KIF1A: variants seen among roughly 807,000 people sequenced by gnomAD.
KIF1A encodes kinesin-like protein KIF1A.
In KIF1A, 46 loss-of-function variants were observed where a neutral mutation model predicts 227.3. The ratio of observed to expected loss-of-function variants is 0.20; its 90% CI spans 0.16 to 0.26. KIF1A has a LOEUF of 0.26. Ranked by LOEUF, KIF1A falls within the 10% of genes least tolerant of loss-of-function variation. The probability of loss-of-function intolerance (pLI) is 1.00; values close to 1 mark genes in which losing one functional copy is unlikely to be tolerated. For missense variants in KIF1A, 1,683 were observed against 2,485.9 expected (o/e 0.68, Z 6.87); for synonymous variants, 1,022 against 1,012.8 (o/e 1.01, Z -0.17).
At position 240,782,616 on chromosome 2, in the gene KIF1A, GA is replaced by G; in HGVS notation, c.865-10del. 6.4e-7 allele frequency: 1 copy of G among 1,552,036 alleles called. No homozygotes were observed. The highest frequency in any genetic ancestry group is 8.7e-7 in the Non-Finnish European group (1 of 1,147,604). ...TTGTTGGGTCCGGAGTCCTGAAAAGGAAAAGACAGAGAGAGGCTGAGGCCCG... is the reference window on the plus strand; with the variant it reads ...TTGTTGGGTCCGGAGTCCTGAAAAGGAAAGACAGAGAGAGGCTGAGGCCCG... On this transcript the variant is annotated splice_polypyrimidine_tract_variant and intron_variant, in intron 9 of 48. Transcript: ENST00000498729.
intron 10 of KIF1A, among the ~76,000 whole-genome samples, chr2:240,777,882 G>A (rs770962976): frequency 2.6e-5 from 4 of 152,158 alleles, no homozygotes; most frequent in Non-Finnish European, 4.4e-5. Context: ...ACTGTCCCTC[G>A]CAGGGTCCCT....
intron 1 of KIF1A, among the ~76,000 whole-genome samples, chr2:240,813,844 C>T (rs903404495): frequency 2.0e-5 from 3 of 152,142 alleles, no homozygotes; most frequent in Admixed American, 1.3e-4. Flanking sequence ...ACAGGCCCTG[C>T]GGGAAGGACA....
intron 28 of KIF1A, chr2:240,748,725 C>A (rs1183602076): frequency 7.1e-6 from 2 of 279,798 alleles, no homozygotes; most frequent in Admixed American, 5.4e-5. Flanking sequence ...AGCTGGGCCC[C>A]CTGATTCTCA....
At chr2:240,720,709 A>T in intron 45 of KIF1A, 1 of 514,988 alleles carries the variant, frequency 1.9e-6, no homozygotes. Context: ...ACACACACAC[A>T]CTAGGATGGA....
chr2:240,719,320 T>C, intron 46 of KIF1A, 122 bp from the exon 47 acceptor site: 1 of 1,167,546 alleles, frequency 8.6e-7, no homozygotes, highest in Non-Finnish European at 1.2e-6. Flanking sequence ...AGCCAGAAAG[T>C]GGGTCGAGGC....
chr2:240,814,038 A>C (rs1467891712), intron 1 of KIF1A, among the ~76,000 whole-genome samples: 1 of 152,240 alleles, frequency 6.6e-6, no homozygotes, highest in African/African-American at 2.4e-5. Flanking sequence ...AAACCCTAGA[A>C]AAGGCAGTCA....
Position 240,790,851 on chromosome 2 carries a change from T to G in KIF1A, c.107-1539A>C, listed in dbSNP as rs1459738281. Among the ~76,000 whole-genome samples the G allele has an allele frequency of 6.6e-6, 1 of 152,058 alleles. No homozygotes were observed. The highest frequency in any genetic ancestry group is 1.9e-4 in the East Asian group (1 of 5,170). ...CCCTCATGGCTCAGGAGCAGCCACC[T>G]CTGCCACCACCTTGATCTCAGACTT... is the stretch of plus-strand genomic sequence containing the variant. On this transcript the variant is annotated intron_variant, in intron 2 of 48. Transcript: ENST00000498729. This position sits in a 1 kb window ranked among gnomAD's most constrained non-coding sequence, Gnocchi z 5.0.
rs199574770 is a variant in KIF1A, at chr2:240,719,089, C to T, written c.5131G>A (p.Asp1711Asn). 84 of 1,612,680 alleles carry T rather than the reference C, an allele frequency of 5.2e-5. No homozygotes were observed. Among genetic ancestry groups the T allele is most frequent in the African/African-American group, 8.0e-5 (6 of 75,050 alleles). Residue 1711 changes from aspartate to asparagine, a missense_variant, in exon 47 of 49, where the codon GAC (aspartate) becomes AAC (asparagine). By Grantham distance (23) the Asp-to-Asn change is conservative. Around this residue, in one of 12 missense-constraint regions of KIF1A, gnomAD observed 384 missense variants for 410.1 expected, o/e 0.94. Transcript: ENST00000498729. Reference protein sequence around the residue: ...RRPYAYMYNSDKDTVERFVLN... With the variant: ...RRPYAYMYNSNKDTVERFVLN... ...ACGAACCGCTCCACGGTGTCCTTGTCGCTGTTGTACATGTAGGCATAGGGG... is the reference window on the plus strand; with the variant it reads ...ACGAACCGCTCCACGGTGTCCTTGTTGCTGTTGTACATGTAGGCATAGGGG...
intron 9 of KIF1A, 143 bp from the exon 10 acceptor site, chr2:240,782,750 C>T (rs2054237194): frequency 2.2e-6 from 2 of 898,302 alleles, no homozygotes; most frequent in Non-Finnish European, 3.5e-6. Context: ...ACAGCAGCTC[C>T]CCCAGGCAGG....
At chr2:240,723,211 T>C (rs1223435137) in intron 42 of KIF1A, among the ~76,000 whole-genome samples, 24 of 152,196 alleles carry the variant, frequency 1.6e-4, no homozygotes, top group Non-Finnish European at 4.4e-5. Context: ...TGTGCTACAC[T>C]GGCCATGTTT....
chr2:240,749,246 G>A (rs185352251), intron 28 of KIF1A, among the ~76,000 whole-genome samples: 117 of 152,336 alleles, frequency 7.7e-4, no homozygotes, highest in Non-Finnish European at 1.3e-3. Context: ...GCAGAGCCGG[G>A]AGAACCAGAC....
chr2:240,773,837 A>G (rs1281492384), intron 12 of KIF1A, among the ~76,000 whole-genome samples: 1 of 151,184 alleles, frequency 6.6e-6, no homozygotes, highest in Non-Finnish European at 1.5e-5. Context: ...CATAAGACAC[A>G]CCTATGTCCC....
intron 32 of KIF1A, among the ~76,000 whole-genome samples, chr2:240,744,514 C>T (rs1364974482): frequency 6.6e-6 from 1 of 152,114 alleles, no homozygotes; most frequent in African/African-American, 2.4e-5. Context: ...ACAGAGAAAA[C>T]GGAGTTAACG....
At chr2:240,753,136 C>A (rs921646148) in intron 27 of KIF1A, among the ~76,000 whole-genome samples, 1 of 152,322 alleles carries the variant, frequency 6.6e-6, no homozygotes, top group Non-Finnish European at 1.5e-5. Context: ...AGGACCACAC[C>A]CAGAGGGAGG....
intron 42 of KIF1A, 53 bp from the exon 43 acceptor site, chr2:240,722,709 A>G: frequency 7.2e-7 from 1 of 1,383,736 alleles, no homozygotes; most frequent in Non-Finnish European, 9.7e-7. Context: ...TGACCTCCGG[A>G]GTTGTGCTCA....
chr2:240,722,515 C>A lies in KIF1A; in HGVS notation c.4606G>T (p.Glu1536Ter). The change falls in exon 43 of 49, where the codon GAG (glutamate) becomes TAG (stop). Residue 1536 changes from glutamate to a stop codon, truncating the protein, a stop_gained. Coordinates refer to ENST00000498729, the MANE Select transcript of KIF1A (RefSeq NM_001244008.2). LOFTEE classifies it high-confidence loss of function. ...SSSASSPLSA[E>*]GRPSPLEAPN... is the part of the protein sequence containing the mutation. Reference sequence around the variant, plus strand: ...GCCTCCAGGGGTGATGGGCGGCCCTCAGCCGAGAGCGGGGAGGAGGCGCTG... The same window carrying A: ...GCCTCCAGGGGTGATGGGCGGCCCTAAGCCGAGAGCGGGGAGGAGGCGCTG... 6.5e-7 allele frequency: 1 copy of A among 1,548,286 alleles called. No homozygotes were observed. The highest frequency in any genetic ancestry group is 2.0e-5 in the Admixed American group (1 of 50,934).
chr2:240,748,474 G>A (rs1302322438), intron 28 of KIF1A, among the ~76,000 whole-genome samples: 2 of 152,176 alleles, frequency 1.3e-5, no homozygotes, highest in Admixed American at 1.3e-4. Flanking sequence ...GTGGCTGTCA[G>A]GGTGGGGGCC....
chr2:240,749,359 C>T (rs1240477914), intron 28 of KIF1A, among the ~76,000 whole-genome samples: 1 of 152,126 alleles, frequency 6.6e-6, no homozygotes, highest in African/African-American at 2.4e-5. Flanking sequence ...GCCATCTCAG[C>T]CTGCTCCAGG....
intron 38 of KIF1A, among the ~76,000 whole-genome samples, chr2:240,727,430 G>A (rs773749520): frequency 2.0e-5 from 3 of 152,090 alleles, no homozygotes; most frequent in Non-Finnish European, 4.4e-5. Context: ...GAGTAAGGAG[G>A]CGCCACCATC....
Sources: allele counts gnomAD v4.1 joint callset (sites outside exome capture counted in the v4.1 genomes callset), GRCh38; gene constraint gnomAD v4.1.1; regional missense constraint gnomAD v4.1.1; non-coding constraint Gnocchi (gnomAD v3.1); transcripts MANE v1.5; gene names NCBI Gene and HGNC (gene_info 2026-07-23, HGNC 2026-07-21).